Variants in NFATC2 observed in about 807,000 individuals in gnomAD.
NFATC2 encodes nuclear factor of activated T cells 2.
In NFATC2, 22 loss-of-function variants were observed where a neutral mutation model predicts 87.3. The ratio of observed to expected loss-of-function variants is 0.25; its 90% CI spans 0.18 to 0.36. The LOEUF is 0.36. Ranked by LOEUF, NFATC2 falls within the 10% of genes least tolerant of loss-of-function variation. The pLI, the probability that NFATC2 is intolerant of heterozygous loss-of-function variation, is 1.00. For synonymous variants in NFATC2, 565 were observed against 542.2 expected, an observed-to-expected ratio of 1.04 and a Z score of -0.58; for missense variants, 1,149 against 1,259.1, an observed-to-expected ratio of 0.91 and a Z score of 1.32.
At chr20:51,475,423 A>T (rs779534395) in intron 4 of NFATC2, 35 bp downstream of exon 4, 2 of 1,610,160 alleles carry the variant, frequency 1.2e-6, no homozygotes, top group African/African-American at 2.7e-5. Context: ...TCGCTTCTCC[A>T]TGAAGACCCG....
intron 9 of NFATC2, among the ~76,000 whole-genome samples, chr20:51,412,716 CT>C (rs1186931479): frequency 1.3e-5 from 2 of 152,158 alleles, no homozygotes; most frequent in Non-Finnish European, 1.5e-5. Flanking sequence ...TCTCTGCCAG[CT>C]GGGTCCACGG....
intron 9 of NFATC2, among the ~76,000 whole-genome samples, chr20:51,409,470 A>C (rs1222370850): frequency 6.6e-6 from 1 of 152,264 alleles, no homozygotes; most frequent in Admixed American, 6.5e-5. Context: ...GGAAGTGGCA[A>C]ACACAAAATT....
At position 51,432,251 on chromosome 20, in the gene NFATC2, C is replaced by A. The variant is rs764980438; in HGVS notation, c.2538G>T (p.Pro846=). 7.4e-6 allele frequency: 12 copies of A among 1,614,144 alleles called. No homozygotes were observed. In the South Asian group the frequency reaches 1.3e-4, roughly 18 times the overall value. The change falls in exon 9 of 11, where the codon CCG becomes CCT. Residue 846 remains proline (P), a synonymous_variant. Transcript: ENST00000371564. This position sits in a 1 kb window ranked among gnomAD's most constrained non-coding sequence, Gnocchi z 4.6. The part of the protein sequence containing the change: ...NFAPGTTRPG[P]PPVSQGQRLS... ...GCCTCTGACCTTGACTGACCGGGGG[C>A]GGGCCAGGTCTGGTGGTGCCTGGTG...
intron 3 of NFATC2, among the ~76,000 whole-genome samples, chr20:51,482,663 G>A (rs1237336655): frequency 6.6e-6 from 1 of 152,026 alleles, no homozygotes; most frequent in African/African-American, 2.4e-5. Flanking sequence ...TTATTGTTTG[G>A]TGGTAAAAAC....
chr20:51,539,777 G>A (rs1432927035), intron 1 of NFATC2, among the ~76,000 whole-genome samples: 2 of 152,146 alleles, frequency 1.3e-5, no homozygotes, highest in Admixed American at 6.5e-5. Context: ...GGGATTGCAG[G>A]CATGAGCCAC....
At chr20:51,393,408 TATATGTATTAG>T (rs771952750) in intron 10 of NFATC2, among the ~76,000 whole-genome samples, 3 of 151,860 alleles carry the variant, frequency 2.0e-5, no homozygotes, top group Middle Eastern at 3.4e-3. Flanking sequence ...TAGACCAGTA[TATATGTATTAG>T]ATATGTATTA....
chr20:51,471,753 G>T (rs1988217815), intron 5 of NFATC2, among the ~76,000 whole-genome samples: 1 of 152,220 alleles, frequency 6.6e-6, no homozygotes, highest in Admixed American at 6.5e-5. Flanking sequence ...TTAGTCTTCA[G>T]ACTATCTCTG....
intron 1 of NFATC2, among the ~76,000 whole-genome samples, chr20:51,526,744 TATGGTACCCCTACTTCCAAA>T (rs1490895636): frequency 2.0e-5 from 3 of 152,062 alleles, no homozygotes; most frequent in Non-Finnish European, 4.4e-5. Flanking sequence ...TTAGGGTCCA[TATGGTACCCCTACTTCCAAA>T]ATGGCTCCCC....
chr20:51,555,360 G>A (rs560904344), intron 1 of NFATC2, among the ~76,000 whole-genome samples: 139 of 152,208 alleles, frequency 9.1e-4, no homozygotes, highest in Non-Finnish European at 9.1e-4. Flanking sequence ...TTGGGAGGCC[G>A]AGTCAGGTGG....
chr20:51,509,019 GC>G, intron 3 of NFATC2, among the ~76,000 whole-genome samples: 1 of 151,906 alleles, frequency 6.6e-6, no homozygotes, highest in Middle Eastern at 3.4e-3. Context: ...CCCACGATCC[GC>G]CCCCCTATCC....
chr20:51,474,691 T>C (rs570400956), intron 4 of NFATC2, among the ~76,000 whole-genome samples: 1 of 152,336 alleles, frequency 6.6e-6, no homozygotes, highest in South Asian at 2.1e-4. Flanking sequence ...TCAGGAGTTC[T>C]TTGTACACTT....
In NFATC2 at chr20:51,517,715, G is replaced by A. The variant is rs1198342769; in HGVS notation, c.1161-760C>T. 2.6e-5 allele frequency among the ~76,000 whole-genome samples: 4 copies of A among 151,978 alleles called. No homozygotes were observed. In the East Asian group the frequency reaches 7.7e-4, roughly 29 times the overall value. On this transcript the variant is annotated intron_variant, in intron 2 of 10. Coordinates refer to ENST00000371564, the MANE Select transcript of NFATC2 (RefSeq NM_012340.5). ...GCAGATCACTGGAGGCCAGGAGTTC[G>A]AGACCAGCCTGGCCAACATGGCGAA...
At chr20:51,405,727 G>A (rs999771646) in intron 9 of NFATC2, among the ~76,000 whole-genome samples, 7 of 152,196 alleles carry the variant, frequency 4.6e-5, no homozygotes, top group African/African-American at 1.7e-4. Context: ...CCAGCACATA[G>A]TAGGTGCTCA....
chr20:51,442,303 G>A (rs6013187), intron 6 of NFATC2, among the ~76,000 whole-genome samples: 3,234 of 152,224 alleles, frequency 0.021, 53 homozygotes, highest in Non-Finnish European at 0.026. Context: ...GTGGTGGCAC[G>A]TGCCTGTAAT....
chr20:51,561,476 A>AAGCAAGC (rs2077028527), intron 1 of NFATC2, among the ~76,000 whole-genome samples: 3 of 132,106 alleles, frequency 2.3e-5, no homozygotes, highest in South Asian at 2.6e-4. Context: ...AGAAAGAAAG[A>AAGCAAGC]AAGAAAGAAA....
chr20:51,477,518 CAT>C (rs1988815614), intron 3 of NFATC2, among the ~76,000 whole-genome samples: 1 of 81,444 alleles, frequency 1.2e-5, no homozygotes, highest in Admixed American at 1.3e-4. Context: ...TATATATATA[CAT>C]ATGTGTGTGT....
At chr20:51,490,943 A>G (rs1180260779) in intron 3 of NFATC2, among the ~76,000 whole-genome samples, 3 of 152,212 alleles carry the variant, frequency 2.0e-5, no homozygotes, top group Admixed American at 2.0e-4. Context: ...GAGCCCCAAG[A>G]TGGGAAGCCA....
At chr20:51,468,921 T>C (rs1309650712) in intron 5 of NFATC2, among the ~76,000 whole-genome samples, 1 of 151,944 alleles carries the variant, frequency 6.6e-6, no homozygotes, top group Non-Finnish European at 1.5e-5. Context: ...CCTCTCAAAG[T>C]CCGCCCCACA....
upstream of NFATC2, among the ~76,000 whole-genome samples, chr20:51,547,465 C>T (rs2076898674): frequency 1.3e-5 from 2 of 152,236 alleles, no homozygotes; most frequent in South Asian, 2.1e-4. Flanking sequence ...GCTCTGCGTC[C>T]CCAGGCTGCT....
Sources: allele counts gnomAD v4.1 joint callset (sites outside exome capture counted in the v4.1 genomes callset), GRCh38; gene constraint gnomAD v4.1.1; non-coding constraint Gnocchi (gnomAD v3.1); transcripts MANE v1.5; gene names NCBI Gene and HGNC (gene_info 2026-07-23, HGNC 2026-07-21).